The following IL1RAPL2 variants were observed in gnomAD, a reference collection of about 807,000 sequenced individuals.
IL1RAPL2 encodes interleukin 1 receptor accessory protein like 2.
IL1RAPL2 carries 3 observed loss-of-function variants against 44.1 expected under a neutral mutation model. The ratio of observed to expected loss-of-function variants is 0.07; its 90% CI spans 0.03 to 0.18. The LOEUF (loss-of-function observed/expected upper bound fraction) is 0.18. IL1RAPL2 is among the 10% of genes least tolerant of loss of function. The pLI is 1.00. For synonymous variants in IL1RAPL2, 181 were observed against 178.8 expected (o/e 1.01, Z -0.10); for missense variants, 391 against 496.4 (o/e 0.79, Z 2.02).
chrX:104,935,617 T>G (rs1009703961), intron 2 of IL1RAPL2, among the ~76,000 whole-genome samples: 2 of 112,293 alleles, frequency 1.8e-5, no homozygotes, highest in African/African-American at 3.2e-5. Flanking sequence ...TTCAAACATG[T>G]GAAAATTAAC....
intron 2 of IL1RAPL2, among the ~76,000 whole-genome samples, chrX:104,886,702 G>A (rs1180919313): frequency 4.5e-5 from 5 of 111,992 alleles, no homozygotes; most frequent in Non-Finnish European, 7.5e-5. Context: ...GCCTTCTTCT[G>A]TATTCCCCTG....
chrX:105,063,451 T>C (rs2032099547), intron 2 of IL1RAPL2, among the ~76,000 whole-genome samples: 1 of 112,087 alleles, frequency 8.9e-6, no homozygotes, highest in Non-Finnish European at 1.9e-5. Context: ...CATATTTTCC[T>C]GGATGATCTG....
intron 2 of IL1RAPL2, among the ~76,000 whole-genome samples, chrX:104,721,442 C>T (rs1259635323): frequency 2.7e-5 from 3 of 110,591 alleles, no homozygotes; most frequent in African/African-American, 9.9e-5. Context: ...GAAAACCAGA[C>T]ACCACATGTT....
chrX:105,016,189 C>T (rs7880941), intron 2 of IL1RAPL2, among the ~76,000 whole-genome samples: 2,559 of 111,610 alleles, frequency 0.023, 62 homozygotes, highest in African/African-American at 0.08. Context: ...GCTGAAGTTG[C>T]TCATCAGGTT....
rs377002136 is a variant in IL1RAPL2 at position 105,188,764 on chromosome X, A to G, written c.83-6711A>G. ...GTATTTTTAAAAACTTGAGGCAATA[A>G]TCATTCATTGTATATATAGAGCTGG... On this transcript the variant is annotated intron_variant, in intron 2 of 10. Transcript: ENST00000372582. 3.6e-4 allele frequency among the ~76,000 whole-genome samples: 41 copies of G among 112,581 alleles called. No homozygotes were observed. In the East Asian group the frequency reaches 4.7e-3, roughly 13 times the overall value.
At chrX:105,270,203 A>T (rs1603041411) in intron 5 of IL1RAPL2, among the ~76,000 whole-genome samples, 1 of 111,620 alleles carries the variant, frequency 9.0e-6, no homozygotes, top group African/African-American at 3.2e-5. Context: ...CTTTCCAAGG[A>T]TCATGTTTTT....
At chrX:104,717,829 C>A (rs1182625350) in intron 2 of IL1RAPL2, among the ~76,000 whole-genome samples, 1 of 107,538 alleles carries the variant, frequency 9.3e-6, no homozygotes, top group Non-Finnish European at 1.9e-5. Context: ...TTGTTCAATT[C>A]CCACCTATGA....
intron 2 of IL1RAPL2, among the ~76,000 whole-genome samples, chrX:105,055,171 T>C (rs1242088720): frequency 7.1e-5 from 8 of 112,081 alleles, no homozygotes; most frequent in Non-Finnish European, 1.5e-4. Context: ...ATTTGGTGTC[T>C]GGTGAGGTCC....
chrX:104,916,489 A>G (rs1267238590), intron 2 of IL1RAPL2, among the ~76,000 whole-genome samples: 2 of 111,604 alleles, frequency 1.8e-5, no homozygotes, highest in Non-Finnish European at 3.8e-5. Flanking sequence ...GGGGTTTTCT[A>G]GATATACAAT....
At chrX:104,860,967 C>T (rs1015861161) in intron 2 of IL1RAPL2, among the ~76,000 whole-genome samples, 11 of 111,285 alleles carry the variant, frequency 9.9e-5, no homozygotes, top group African/African-American at 2.9e-4. Context: ...CCTCCTTTGA[C>T]TTTGTCCTTG....
intron 6 of IL1RAPL2, among the ~76,000 whole-genome samples, chrX:105,590,391 G>A (rs935587500): frequency 2.7e-5 from 3 of 110,363 alleles, no homozygotes; most frequent in African/African-American, 9.9e-5. Context: ...CTCTAAATAG[G>A]ATTTCCAGTA....
At chrX:104,669,385 C>T (rs1307684043) in intron 2 of IL1RAPL2, among the ~76,000 whole-genome samples, 7 of 110,773 alleles carry the variant, frequency 6.3e-5, no homozygotes, top group Non-Finnish European at 9.4e-5. Context: ...CATTTTTTCC[C>T]GGTCTCCATC....
chrX:104,888,820 C>A (rs931038197), intron 2 of IL1RAPL2, among the ~76,000 whole-genome samples: 1 of 111,540 alleles, frequency 9.0e-6, no homozygotes, highest in Non-Finnish European at 1.9e-5. Flanking sequence ...TAGCCAAATT[C>A]CCCATTTCTG....
intron 2 of IL1RAPL2, among the ~76,000 whole-genome samples, chrX:105,079,355 A>C (rs2032366980): frequency 9.2e-6 from 1 of 109,090 alleles, no homozygotes; most frequent in South Asian, 4.1e-4. Context: ...TTCTACTATA[A>C]AGACAGAGAG....
intron 2 of IL1RAPL2, among the ~76,000 whole-genome samples, chrX:104,907,624 T>C (rs1924061658): frequency 8.9e-6 from 1 of 111,855 alleles, no homozygotes; most frequent in African/African-American, 3.2e-5. Context: ...TGAGTGAGAT[T>C]CTTAATCCTG....
intron 2 of IL1RAPL2, among the ~76,000 whole-genome samples, chrX:105,081,018 T>C (rs2032398427): frequency 9.0e-6 from 1 of 111,274 alleles, no homozygotes; most frequent in African/African-American, 3.3e-5. Context: ...GCTCTCTGTT[T>C]GTCAGTTTTT....
chrX:104,995,835 G>A (rs2030738449), intron 2 of IL1RAPL2, among the ~76,000 whole-genome samples: 1 of 111,404 alleles, frequency 9.0e-6, no homozygotes, highest in Non-Finnish European at 1.9e-5. Flanking sequence ...CTCTTTTCCT[G>A]AAAGGGTGTC....
chrX:105,022,672 C>G (rs1234919701), intron 2 of IL1RAPL2, among the ~76,000 whole-genome samples: 1 of 111,140 alleles, frequency 9.0e-6, no homozygotes, highest in African/African-American at 3.3e-5. Context: ...CTTCCCCCAC[C>G]AGCCTCCTCA....
chrX:105,393,863 C>T lies in IL1RAPL2; in HGVS notation c.698-90450C>T, dbSNP rs1039832895. On this transcript the variant is annotated intron_variant, in intron 5 of 10. Coordinates refer to ENST00000372582, the MANE Select transcript of IL1RAPL2 (RefSeq NM_017416.2). ...TCATTTAATGTACATGACTACACTC[C>T]GAGGGCATTATCAGCCTCCCTATTT... 2.7e-5 allele frequency among the ~76,000 whole-genome samples: 3 copies of T among 111,838 alleles called. No homozygotes were observed. In the Admixed American group the frequency reaches 2.8e-4, roughly 11 times the overall value.
Sources: gnomAD v4.1 joint callset for allele counts (sites outside exome capture counted in the v4.1 genomes callset) on GRCh38, gnomAD v4.1.1 for gene constraint, MANE v1.5 for transcripts, NCBI Gene and HGNC (gene_info 2026-07-23, HGNC 2026-07-21) for gene names.